Variants in RALYL observed in about 807,000 individuals in gnomAD.
RALYL encodes RNA-binding Raly-like protein.
RALYL carries 29 observed loss-of-function variants against 35.1 expected under a neutral mutation model. The ratio of observed to expected loss-of-function variants is 0.83; its 90% CI spans 0.61 to 1.13. The LOEUF (loss-of-function observed/expected upper bound fraction) is 1.13, where lower values mean the gene tolerates loss of function less well. Ranked by LOEUF, RALYL falls within the 50% of genes most tolerant of loss-of-function variation. The pLI is 0.00. For synonymous variants in RALYL, 120 were observed against 127.6 expected (o/e 0.94, Z 0.40); for missense variants, 359 against 360.4 (o/e 1.00, Z 0.03).
At chr8:84,360,482 G>A (rs1852759116) in intron 1 of RALYL, among the ~76,000 whole-genome samples, 1 of 152,198 alleles carries the variant, frequency 6.6e-6, no homozygotes, top group South Asian at 2.1e-4. Context: ...GTTCAAGAAA[G>A]TTCTAATGTG....
At chr8:84,606,957 T>G (rs576726314) in intron 2 of RALYL, among the ~76,000 whole-genome samples, 1 of 152,218 alleles carries the variant, frequency 6.6e-6, no homozygotes, top group East Asian at 1.9e-4. Context: ...AAACTTTTTA[T>G]GTAAATGGAG....
At chr8:84,893,612 G>A (rs374729693) in intron 8 of RALYL, among the ~76,000 whole-genome samples, 6 of 152,154 alleles carry the variant, frequency 3.9e-5, no homozygotes, top group Non-Finnish European at 4.4e-5. Flanking sequence ...GGCTAATCCA[G>A]TGTTTTCCAA....
Position 84,619,512 on chromosome 8 carries a change from A to C in RALYL, c.256+89935A>C, listed in dbSNP as rs565112538. 1.6e-4 allele frequency among the ~76,000 whole-genome samples: 23 copies of C among 146,534 alleles called. No individual in the cohort carries two copies. In the South Asian group the frequency reaches 5.1e-3, roughly 32 times the overall value. On this transcript the variant is annotated intron_variant, in intron 2 of 8. Transcript: ENST00000521268. ...CTCTGCACGTGAGATGGGTTTCCTG[A>C]ATACAGCACACTGATGGGTCTTGAC... is the stretch of plus-strand genomic sequence containing the variant.
intron 2 of RALYL, among the ~76,000 whole-genome samples, chr8:84,733,871 G>C (rs940610120): frequency 6.6e-6 from 1 of 152,148 alleles, no homozygotes; most frequent in South Asian, 2.1e-4. Context: ...CTACTGATTT[G>C]CATGTGCAGA....
At chr8:84,466,602 C>A (rs1053947793) in intron 1 of RALYL, among the ~76,000 whole-genome samples, 3 of 150,304 alleles carry the variant, frequency 2.0e-5, no homozygotes, top group South Asian at 2.1e-4. Context: ...GTCTAAAATT[C>A]TCTTTTTTTG....
chr8:84,426,592 G>T (rs2046495375), intron 1 of RALYL, among the ~76,000 whole-genome samples: 1 of 152,026 alleles, frequency 6.6e-6, no homozygotes, highest in African/African-American at 2.4e-5. Flanking sequence ...ACAAGATCTT[G>T]TCCTTTTTTA....
chr8:84,423,665 C>A (rs956555222), intron 1 of RALYL, among the ~76,000 whole-genome samples: 6 of 151,782 alleles, frequency 4.0e-5, no homozygotes, highest in African/African-American at 1.5e-4. Flanking sequence ...TACATTTTGG[C>A]ATGGTTTTGC....
chr8:84,729,448 A>G (rs1421251367), intron 2 of RALYL, among the ~76,000 whole-genome samples: 1 of 152,036 alleles, frequency 6.6e-6, no homozygotes, highest in East Asian at 1.9e-4. Context: ...TCCAAAATTG[A>G]CACCCTAACA....
At chr8:84,899,634 G>A (rs921287220) in intron 8 of RALYL, among the ~76,000 whole-genome samples, 4 of 152,190 alleles carry the variant, frequency 2.6e-5, no homozygotes, top group Non-Finnish European at 4.4e-5. Context: ...AGCAGCCTGA[G>A]TCTTGAAGGC....
intron 1 of RALYL, among the ~76,000 whole-genome samples, chr8:84,403,612 A>G (rs1010949438): frequency 7.4e-6 from 1 of 134,558 alleles, no homozygotes; most frequent in Admixed American, 8.7e-5. Flanking sequence ...GAAGTCAGGT[A>G]GCGTGATGCC....
intron 3 of RALYL, among the ~76,000 whole-genome samples, chr8:84,803,866 G>A (rs1255903815): frequency 6.6e-6 from 1 of 152,130 alleles, no homozygotes; most frequent in African/African-American, 2.4e-5. Flanking sequence ...CATTTCAACT[G>A]TCTTTCTTAA....
chr8:84,582,440 G>T (rs1019489674), intron 2 of RALYL, among the ~76,000 whole-genome samples: 1 of 151,850 alleles, frequency 6.6e-6, no homozygotes, highest in South Asian at 2.1e-4. Context: ...AGGCTGGTGT[G>T]TTAGCTGCAG....
intron 1 of RALYL, among the ~76,000 whole-genome samples, chr8:84,314,710 C>T (rs927705080): frequency 6.6e-5 from 10 of 152,048 alleles, no homozygotes; most frequent in African/African-American, 2.2e-4. Context: ...GCCTGGGCAA[C>T]AACAAAGTGA....
chr8:84,698,203 C>T, intron 2 of RALYL, among the ~76,000 whole-genome samples: 1 of 152,090 alleles, frequency 6.6e-6, no homozygotes, highest in East Asian at 1.9e-4. Flanking sequence ...GGACTCCTAC[C>T]TCGCATCACT....
At chr8:84,380,207 T>C (rs1234001819) in intron 1 of RALYL, among the ~76,000 whole-genome samples, 1 of 151,932 alleles carries the variant, frequency 6.6e-6, no homozygotes, top group African/African-American at 2.4e-5. Flanking sequence ...ACTTGGTTTA[T>C]TCATCTGCAA....
chr8:84,857,036 GAAAAA>G (rs36119108), intron 5 of RALYL, among the ~76,000 whole-genome samples: 33 of 91,824 alleles, frequency 3.6e-4, no homozygotes, highest in South Asian at 9.1e-4. Context: ...CTCCGTCTCA[GAAAAA>G]AAAAAAAAAA....
At chr8:84,527,982 C>T (rs2059021752) in intron 1 of RALYL, among the ~76,000 whole-genome samples, 1 of 152,072 alleles carries the variant, frequency 6.6e-6, no homozygotes. Context: ...TACTTGGTTG[C>T]TCTTGATTTC....
intron 1 of RALYL, among the ~76,000 whole-genome samples, chr8:84,194,100 C>G (rs964881490): frequency 6.6e-6 from 1 of 152,174 alleles, no homozygotes; most frequent in African/African-American, 2.4e-5. Context: ...GACAGTGGAA[C>G]ATCGTCAAAT....
intron 2 of RALYL, among the ~76,000 whole-genome samples, chr8:84,576,768 A>T (rs1023941751): frequency 6.6e-5 from 10 of 152,194 alleles, no homozygotes; most frequent in African/African-American, 2.4e-4. Flanking sequence ...GTTCTCAATA[A>T]TTGTAATAGT....
Sources: gnomAD v4.1 joint callset for allele counts (sites outside exome capture counted in the v4.1 genomes callset) on GRCh38, gnomAD v4.1.1 for gene constraint, MANE v1.5 for transcripts, NCBI Gene and HGNC (gene_info 2026-07-23, HGNC 2026-07-21) for gene names.